GALR1: variants seen among roughly 807,000 people sequenced by gnomAD.
GALR1 encodes the protein galanin receptor 1.
In GALR1, 11 loss-of-function variants were observed where a neutral mutation model predicts 17.9. The observed-to-expected ratio is 0.62, with a 90% CI of 0.39 to 1.02. GALR1 has a LOEUF of 1.02. GALR1 is among the 50% of genes least tolerant of loss of function. The pLI is 0.01. For missense variants in GALR1, 441 were observed against 456.9 expected (o/e 0.97, Z 0.32); for synonymous variants, 206 against 205.7 (o/e 1.00, Z -0.01).
rs375896843 is a variant in GALR1, at chr18:77,274,961, C to T, written c.*6059C>T. ...TTCACAAAGTGGCTTGGCCTCAGAC[C>T]TCTATATCCTTGTTGTTCTGTTTGG... On this transcript the variant is annotated 3_prime_UTR_variant, in exon 3 of 3. Transcript: ENST00000299727. The T allele has an allele frequency of 6.6e-6, 1 of 152,232 alleles. No homozygotes were observed. Among genetic ancestry groups the T allele is most frequent in the African/African-American group, 2.4e-5 (1 of 41,460 alleles). 9.4% of individuals were successfully genotyped at this position (152,232 alleles called of 1,614,324 possible).
Position 77,270,205 on chromosome 18 carries a change from T to G in GALR1, c.*1303T>G, listed in dbSNP as rs939203961. 4 of 152,208 alleles carry G rather than the reference T, an allele frequency of 2.6e-5. No homozygotes were observed. Among genetic ancestry groups the G allele is most frequent in the Non-Finnish European group, 5.9e-5 (4 of 68,044 alleles). 9.4% of individuals were successfully genotyped at this position (152,208 alleles called of 1,614,324 possible). A position where few individuals can be genotyped will look rare whatever the true frequency, so the allele number is the denominator to read the frequency against. On this transcript the variant is annotated 3_prime_UTR_variant, in exon 3 of 3. Transcript: ENST00000299727. ...AGGCAACAAAAGCAAGAAGTTTTTTTTTTGTTTGTTTGTTAAAAAGGATTT... is the reference window on the plus strand; with the variant it reads ...AGGCAACAAAAGCAAGAAGTTTTTTGTTTGTTTGTTTGTTAAAAAGGATTT...
intron 1 of GALR1, among the ~76,000 whole-genome samples, chr18:77,252,014 T>C (rs971595120): frequency 1.3e-5 from 2 of 152,230 alleles, no homozygotes; most frequent in African/African-American, 2.4e-5. Flanking sequence ...TAGAAAGGTC[T>C]CCTGAACAGG....
chr18:77,257,027 G>A (rs1912606936), intron 2 of GALR1, among the ~76,000 whole-genome samples: 1 of 152,180 alleles, frequency 6.6e-6, no homozygotes, highest in Non-Finnish European at 1.5e-5. Flanking sequence ...ACCCAAAAGT[G>A]TAATAATAAC....
intron 1 of GALR1, chr18:77,253,790 A>G (rs1429946314): frequency 6.6e-6 from 1 of 152,228 alleles, no homozygotes; most frequent in Non-Finnish European, 1.5e-5. Flanking sequence ...GATGCTTTAA[A>G]TAAACAAAAA....
chr18:77,252,872 C>CCACCAT (rs1912456526), intron 1 of GALR1, among the ~76,000 whole-genome samples: 2 of 76,340 alleles, frequency 2.6e-5, no homozygotes, highest in Admixed American at 1.5e-4. Flanking sequence ...ACCACCACCA[C>CCACCAT]CACCACCATC....
intron 2 of GALR1, among the ~76,000 whole-genome samples, chr18:77,256,731 A>T (rs1912600182): frequency 6.6e-6 from 1 of 152,224 alleles, no homozygotes; most frequent in Admixed American, 6.5e-5. Flanking sequence ...CTGACCCGGC[A>T]GGTAAAGACT....
chr18:77,268,102 A>G (rs2144967869), intron 2 of GALR1, among the ~76,000 whole-genome samples: 1 of 152,314 alleles, frequency 6.6e-6, no homozygotes, highest in South Asian at 2.1e-4. Context: ...TTGGCCTTGA[A>G]TTTGCCAAAG....
chr18:77,253,019 CCACCATCACCACCAT>C (rs1912503858), intron 1 of GALR1, among the ~76,000 whole-genome samples: 3 of 93,948 alleles, frequency 3.2e-5, no homozygotes, highest in Non-Finnish European at 7.3e-5. Flanking sequence ...ACCACCACCA[CCACCATCACCACCAT>C]CACCACCACC....
intron 2 of GALR1, among the ~76,000 whole-genome samples, chr18:77,258,602 CATGGTGGTGATGGTGGTGGTGGTG>C (rs1912659316): frequency 1.3e-3 from 27 of 20,704 alleles, no homozygotes; most frequent in Middle Eastern, 0.042. Context: ...TGGTGGTGGT[CATGGTGGTGATGGTGGTGGTGGTG>C]ATGGTGGTGA....
intron 1 of GALR1, among the ~76,000 whole-genome samples, chr18:77,254,835 A>ACTT (rs1272693412): frequency 6.6e-6 from 1 of 152,172 alleles, no homozygotes; most frequent in Non-Finnish European, 1.5e-5. Context: ...GCACGTAAAC[A>ACTT]CTTGTTTTGT....
intron 2 of GALR1, among the ~76,000 whole-genome samples, chr18:77,264,642 G>A (rs1293443983): frequency 2.6e-5 from 4 of 152,094 alleles, no homozygotes; most frequent in Non-Finnish European, 5.9e-5. Flanking sequence ...CCCAAGACTG[G>A]GTAATTTATA....
rs1178206628 is a variant in GALR1, at chr18:77,249,992, G to C, written c.-557G>C. On this transcript the variant is annotated 5_prime_UTR_variant, in exon 1 of 3. Coordinates refer to ENST00000299727, the MANE Select transcript of GALR1 (RefSeq NM_001480.4). ...GGGAGTCGGAGGCGCCAGCCCACTG[G>C]GGAGGTGGCGCTGGGCGCGCGGGAT... Among the ~76,000 whole-genome samples, 1 of 152,230 alleles carries C rather than the reference G, an allele frequency of 6.6e-6. No individual in the cohort carries two copies. The highest frequency in any genetic ancestry group is 2.4e-5 in the African/African-American group (1 of 41,464).
At chr18:77,251,752 C>CG (rs1026743401) in intron 1 of GALR1, among the ~76,000 whole-genome samples, 5 of 152,082 alleles carry the variant, frequency 3.3e-5, no homozygotes, top group East Asian at 3.9e-4. Flanking sequence ...CTGGCCGTGG[C>CG]GGGGGGGACT....
In GALR1 at chr18:77,250,015, G is replaced by A. The variant is rs1303726453; in HGVS notation, c.-534G>A. ...TGGGGAGGTGGCGCTGGGCGCGCGG[G>A]ATGCGCGGGGAGCCTTCTCTGCAGG... is the stretch of plus-strand genomic sequence containing the variant. On this transcript the variant is annotated 5_prime_UTR_variant, in exon 1 of 3. Transcript: ENST00000299727. Among the ~76,000 whole-genome samples the A allele has an allele frequency of 1.3e-5, 2 of 152,188 alleles. No individual in the cohort carries two copies. Among genetic ancestry groups the A allele is most frequent in the African/African-American group, 4.8e-5 (2 of 41,452 alleles).
rs1292889943 is a variant in GALR1, at chr18:77,272,573, T to C, written c.*3671T>C. The C allele has an allele frequency of 6.6e-6, 1 of 152,262 alleles. No homozygotes were observed. The highest frequency in any genetic ancestry group is 1.5e-5 in the Non-Finnish European group (1 of 68,046). The allele number at this position is 152,262 out of a possible 1,614,324, so 9.4% of individuals were successfully genotyped here. On this transcript the variant is annotated 3_prime_UTR_variant, in exon 3 of 3. Transcript: ENST00000299727. The stretch of plus-strand genomic sequence containing the variant: ...CAATGTGGCTACTTCCTCTGGAAAG[T>C]TACTGTCTAAAATTTGTAAATTTTA...
intron 1 of GALR1, among the ~76,000 whole-genome samples, chr18:77,252,881 T>TCACCACCACCACCAC (rs1568138972): frequency 2.9e-4 from 16 of 55,258 alleles, no homozygotes; most frequent in Non-Finnish European, 5.1e-4. Context: ...ACCACCACCA[T>TCACCACCACCACCAC]CACCACCACC....
Position 77,272,587 on chromosome 18 carries a change from T to C in GALR1, c.*3685T>C, listed in dbSNP as rs1913085302. ...CCTCTGGAAAGTTACTGTCTAAAATTTGTAAATTTTAATCTTCACTGTTGC... is the reference window on the plus strand; with the variant it reads ...CCTCTGGAAAGTTACTGTCTAAAATCTGTAAATTTTAATCTTCACTGTTGC... On this transcript the variant is annotated 3_prime_UTR_variant, in exon 3 of 3. Coordinates refer to ENST00000299727, the MANE Select transcript of GALR1 (RefSeq NM_001480.4). 6.6e-6 allele frequency: 1 copy of C among 152,230 alleles called. No individual in the cohort carries two copies. Among genetic ancestry groups the C allele is most frequent in the Non-Finnish European group, 1.5e-5 (1 of 68,048 alleles). The allele number at this position is 152,230 out of a possible 1,614,324, so 9.4% of individuals were successfully genotyped here.
At chr18:77,253,553 A>G (rs1912519256) in intron 1 of GALR1, among the ~76,000 whole-genome samples, 2 of 152,252 alleles carry the variant, frequency 1.3e-5, no homozygotes, top group Admixed American at 1.3e-4. Flanking sequence ...AATTGAATTC[A>G]GCATAATATT....
At chr18:77,267,829 G>A (rs1599365013) in intron 2 of GALR1, among the ~76,000 whole-genome samples, 1 of 152,172 alleles carries the variant, frequency 6.6e-6, no homozygotes, top group African/African-American at 2.4e-5. Context: ...CAGTGGAGGA[G>A]GCCATGGCCA....
Sources: gnomAD v4.1 joint callset for allele counts (sites outside exome capture counted in the v4.1 genomes callset) on GRCh38, gnomAD v4.1.1 for gene constraint, MANE v1.5 for transcripts, NCBI Gene and HGNC (gene_info 2026-07-23, HGNC 2026-07-21) for gene names.